The following IMMP2L variants were observed in gnomAD, a reference collection of about 807,000 sequenced individuals.
IMMP2L encodes the protein inner mitochondrial membrane peptidase subunit 2, also known as mitochondrial inner membrane protease subunit 2.
In IMMP2L, 18 loss-of-function variants were observed where a neutral mutation model predicts 19.3. The ratio of observed to expected loss-of-function variants is 0.93; its 90% CI spans 0.64 to 1.38. The LOEUF (loss-of-function observed/expected upper bound fraction) is 1.38. IMMP2L is among the 40% of genes most tolerant of loss of function. The pLI is 0.00. For synonymous variants in IMMP2L, 76 were observed against 73.0 expected, an observed-to-expected ratio of 1.04 and a Z score of -0.21; for missense variants, 233 against 218.2, an observed-to-expected ratio of 1.07 and a Z score of -0.43.
At chr7:111,276,953 T>C (rs780179763) in intron 3 of IMMP2L, among the ~76,000 whole-genome samples, 1 of 152,084 alleles carries the variant, frequency 6.6e-6, no homozygotes. Context: ...CCTTTCACCA[T>C]CCACAAAAAT....
At chr7:111,549,108 A>G (rs1376857797) in intron 1 of IMMP2L, among the ~76,000 whole-genome samples, 2 of 152,152 alleles carry the variant, frequency 1.3e-5, no homozygotes, top group African/African-American at 4.8e-5. Flanking sequence ...TTTTTTTCTC[A>G]GATGCTCCTA....
At chr7:111,074,036 G>C in intron 3 of IMMP2L, among the ~76,000 whole-genome samples, 1 of 152,182 alleles carries the variant, frequency 6.6e-6, no homozygotes, top group Admixed American at 6.5e-5. Context: ...CTTCTGCATA[G>C]ATAACACTTG....
intron 3 of IMMP2L, among the ~76,000 whole-genome samples, chr7:111,442,730 A>G (rs1837870224): frequency 6.6e-6 from 1 of 151,896 alleles, no homozygotes. Context: ...TGATACTATA[A>G]TGTTAAATAC....
chr7:111,294,676 GA>G (rs1821443688), intron 3 of IMMP2L, among the ~76,000 whole-genome samples: 1 of 151,816 alleles, frequency 6.6e-6, no homozygotes, highest in Non-Finnish European at 1.5e-5. Context: ...AACTGGCAAG[GA>G]CAGATTCAAA....
intron 5 of IMMP2L, among the ~76,000 whole-genome samples, chr7:110,770,328 C>A (rs767976647): frequency 2.2e-4 from 33 of 152,034 alleles, no homozygotes; most frequent in Non-Finnish European, 3.5e-4. Context: ...ATGTGCCCCC[C>A]AATATAATGG....
chr7:110,725,209 C>G (rs1028384551), intron 5 of IMMP2L, among the ~76,000 whole-genome samples: 1 of 152,144 alleles, frequency 6.6e-6, no homozygotes, highest in Non-Finnish European at 1.5e-5. Flanking sequence ...ATTTTACAGA[C>G]AGGAAACCAG....
intron 3 of IMMP2L, among the ~76,000 whole-genome samples, chr7:111,281,198 GAAAGAAAGAAAGAAAGAAAA>G (rs1319745716): frequency 5.2e-4 from 24 of 45,792 alleles, no homozygotes; most frequent in East Asian, 4.8e-3. Flanking sequence ...AAGAAAGAAA[GAAAGAAAGAAAGAAAGAAAA>G]AGAAAGAAAG....
At chr7:111,114,672 G>A (rs1280437037) in intron 3 of IMMP2L, among the ~76,000 whole-genome samples, 2 of 150,882 alleles carry the variant, frequency 1.3e-5, no homozygotes, top group Non-Finnish European at 1.5e-5. Flanking sequence ...GGAGGTGGAG[G>A]GTGCAGTGAG....
At chr7:110,978,970 T>C (rs1364938800) in intron 3 of IMMP2L, among the ~76,000 whole-genome samples, 2 of 152,182 alleles carry the variant, frequency 1.3e-5, no homozygotes, top group African/African-American at 2.4e-5. Flanking sequence ...TTTTTAGTAA[T>C]TCTTATTAGA....
At chr7:111,110,190 G>A (rs1339206024) in intron 3 of IMMP2L, among the ~76,000 whole-genome samples, 1 of 152,072 alleles carries the variant, frequency 6.6e-6, no homozygotes, top group Admixed American at 6.6e-5. Flanking sequence ...GATAAGTAAA[G>A]CATCAAAGAT....
In IMMP2L at chr7:111,447,877, T is replaced by C. The variant is rs547032202; in HGVS notation, c.239+39361A>G. Among the ~76,000 whole-genome samples the C allele has an allele frequency of 6.2e-3, 931 of 149,570 alleles. 9 individuals are homozygous for C. Among genetic ancestry groups the C allele is most frequent in the African/African-American group, 0.02 (820 of 40,350 alleles). ...GATGGAAGAAGATCTACCAAGCAAATGGAAAACAAAAAAAGGCAGGGGTTG... is the reference window on the plus strand; with the variant it reads ...GATGGAAGAAGATCTACCAAGCAAACGGAAAACAAAAAAAGGCAGGGGTTG... On this transcript the variant is annotated intron_variant, in intron 3 of 5. Transcript: ENST00000405709.
At chr7:110,825,967 G>C (rs1584948072) in intron 5 of IMMP2L, among the ~76,000 whole-genome samples, 1 of 151,890 alleles carries the variant, frequency 6.6e-6, no homozygotes, top group East Asian at 1.9e-4. Context: ...CCAGAATCTA[G>C]AAAGTACTCA....
intron 3 of IMMP2L, among the ~76,000 whole-genome samples, chr7:111,442,299 G>C (rs1837824225): frequency 1.3e-5 from 2 of 151,860 alleles, no homozygotes; most frequent in Non-Finnish European, 2.9e-5. Flanking sequence ...ACTACACTAA[G>C]TATAGTTCTA....
At chr7:111,041,093 TA>T in intron 3 of IMMP2L, among the ~76,000 whole-genome samples, 1 of 152,258 alleles carries the variant, frequency 6.6e-6, no homozygotes, top group South Asian at 2.1e-4. Context: ...TTCTAGAAGA[TA>T]ATCCTGCTTA....
At chr7:110,719,181 A>G (rs535197856) in intron 5 of IMMP2L, among the ~76,000 whole-genome samples, 1 of 152,308 alleles carries the variant, frequency 6.6e-6, no homozygotes, top group African/African-American at 2.4e-5. Context: ...ACTGGACTGA[A>G]CATGAGTGAA....
intron 5 of IMMP2L, among the ~76,000 whole-genome samples, chr7:110,770,536 A>G (rs1302600884): frequency 6.6e-6 from 1 of 152,166 alleles, no homozygotes; most frequent in Non-Finnish European, 1.5e-5. Flanking sequence ...TTTACATTTC[A>G]TGCACTGTCT....
At chr7:111,514,522 A>AAT (rs566309426) in intron 2 of IMMP2L, among the ~76,000 whole-genome samples, 32 of 152,076 alleles carry the variant, frequency 2.1e-4, no homozygotes, top group South Asian at 1.3e-3. Flanking sequence ...GTATAATAAA[A>AAT]ATATATATAT....
intron 3 of IMMP2L, among the ~76,000 whole-genome samples, chr7:111,400,559 T>C (rs1258132609): frequency 6.6e-6 from 1 of 152,104 alleles, no homozygotes; most frequent in African/African-American, 2.4e-5. Context: ...TAAAATGTTC[T>C]CACCTTGTGC....
At chr7:110,954,700 T>C (rs887370802) in intron 4 of IMMP2L, among the ~76,000 whole-genome samples, 3 of 151,536 alleles carry the variant, frequency 2.0e-5, no homozygotes, top group African/African-American at 7.2e-5. Flanking sequence ...GCAGTTTGAG[T>C]TCATAGTTTG....
Sources: gnomAD v4.1 joint callset for allele counts (sites outside exome capture counted in the v4.1 genomes callset) on GRCh38, gnomAD v4.1.1 for gene constraint, MANE v1.5 for transcripts, NCBI Gene and HGNC (gene_info 2026-07-23, HGNC 2026-07-21) for gene names.